SYT9: variants seen among roughly 807,000 people sequenced by gnomAD.
SYT9 encodes synaptotagmin-9.
Under a neutral mutation model 48.4 loss-of-function variants are expected in SYT9, and 22 were observed. That is an observed-to-expected ratio of 0.45 (90% CI 0.32 to 0.65). SYT9 has a LOEUF of 0.65. Ranked by LOEUF, SYT9 falls within the 30% of genes least tolerant of loss-of-function variation. The probability of loss-of-function intolerance (pLI) is 0.03; values close to 1 mark genes in which losing one functional copy is unlikely to be tolerated. For synonymous variants in SYT9, 265 were observed against 245.0 expected, an observed-to-expected ratio of 1.08 and a Z score of -0.76; for missense variants, 577 against 622.0, an observed-to-expected ratio of 0.93 and a Z score of 0.77.
chr11:7,371,640 A>G (rs1850364830), intron 3 of SYT9, among the ~76,000 whole-genome samples: 1 of 152,210 alleles, frequency 6.6e-6, no homozygotes, highest in Non-Finnish European at 1.5e-5. Flanking sequence ...AACAAGGTAT[A>G]GAGCATTTTC....
At chr11:7,265,517 A>G (rs1848162397) in intron 1 of SYT9, among the ~76,000 whole-genome samples, 1 of 152,144 alleles carries the variant, frequency 6.6e-6, no homozygotes, top group South Asian at 2.1e-4. Flanking sequence ...TAGGGTTGCA[A>G]ATGACATGCA....
At chr11:7,342,071 CA>C (rs1849723615) in intron 3 of SYT9, among the ~76,000 whole-genome samples, 1 of 152,114 alleles carries the variant, frequency 6.6e-6, no homozygotes, top group South Asian at 2.1e-4. Context: ...AATTATCTCC[CA>C]CCAGGTCCCT....
chr11:7,393,062 C>T (rs552166288), intron 3 of SYT9, among the ~76,000 whole-genome samples: 1 of 152,200 alleles, frequency 6.6e-6, no homozygotes, highest in South Asian at 2.1e-4. Flanking sequence ...AATTTGACTT[C>T]CTCTTTTCCT....
At chr11:7,400,871 A>G (rs1025879755) in intron 3 of SYT9, among the ~76,000 whole-genome samples, 1 of 152,150 alleles carries the variant, frequency 6.6e-6, no homozygotes, top group Non-Finnish European at 1.5e-5. Flanking sequence ...AATATGTAAT[A>G]TATATAATAA....
chr11:7,306,834 T>G (rs577353887), intron 2 of SYT9, among the ~76,000 whole-genome samples: 1 of 152,344 alleles, frequency 6.6e-6, no homozygotes, highest in African/African-American at 2.4e-5. Context: ...CTTTATTGCT[T>G]GTACTCCCCT....
intron 1 of SYT9, among the ~76,000 whole-genome samples, chr11:7,275,764 C>T (rs1390282442): frequency 6.6e-6 from 1 of 152,138 alleles, no homozygotes; most frequent in African/African-American, 2.4e-5. Flanking sequence ...TCATTCTGGC[C>T]TTTCCACTTG....
intron 1 of SYT9, among the ~76,000 whole-genome samples, chr11:7,272,969 G>A (rs1848323769): frequency 6.6e-6 from 1 of 152,202 alleles, no homozygotes; most frequent in Admixed American, 6.5e-5. Flanking sequence ...TTGATGTAAT[G>A]ACAGTTAAAG....
intron 1 of SYT9, among the ~76,000 whole-genome samples, chr11:7,301,213 C>T (rs1848912986): frequency 6.6e-6 from 1 of 152,138 alleles, no homozygotes; most frequent in Non-Finnish European, 1.5e-5. Context: ...GAAACTTCAA[C>T]CCCAGTATTT....
intron 5 of SYT9, among the ~76,000 whole-genome samples, chr11:7,418,542 C>G (rs186132144): frequency 1.3e-3 from 203 of 152,336 alleles, no homozygotes; most frequent in Middle Eastern, 3.4e-3. Flanking sequence ...TTTCGCCAGA[C>G]CATCAACATT....
chr11:7,373,648 A>AT (rs1850402773), intron 3 of SYT9, among the ~76,000 whole-genome samples: 1 of 152,140 alleles, frequency 6.6e-6, no homozygotes. Context: ...GCCCTGAGCC[A>AT]TGTAATAGGT....
intron 3 of SYT9, among the ~76,000 whole-genome samples, chr11:7,410,065 G>T (rs984303050): frequency 6.6e-6 from 1 of 152,106 alleles, no homozygotes; most frequent in Non-Finnish European, 1.5e-5. Context: ...TTTGTTTCAA[G>T]AAATTTTTTG....
chr11:7,346,509 G>A (rs1849803955), intron 3 of SYT9, among the ~76,000 whole-genome samples: 1 of 152,204 alleles, frequency 6.6e-6, no homozygotes. Flanking sequence ...AAGAAGTCAA[G>A]TGTAGCCCTT....
At chr11:7,314,836 C>T (rs1849210961) in intron 3 of SYT9, among the ~76,000 whole-genome samples, 2 of 152,216 alleles carry the variant, frequency 1.3e-5, no homozygotes, top group South Asian at 4.1e-4. Flanking sequence ...CTCTCTTTCT[C>T]TGCCATGGCA....
intron 1 of SYT9, among the ~76,000 whole-genome samples, chr11:7,242,401 G>A (rs1252507134): frequency 6.6e-6 from 1 of 152,154 alleles, no homozygotes; most frequent in East Asian, 1.9e-4. Flanking sequence ...GTGTGAATTT[G>A]GGCAGGATAC....
chr11:7,416,657 T>A (rs1356981129), intron 4 of SYT9, among the ~76,000 whole-genome samples: 1 of 152,212 alleles, frequency 6.6e-6, no homozygotes, highest in African/African-American at 2.4e-5. Flanking sequence ...AGAGATGATT[T>A]AAAGTATACG....
chr11:7,416,562 A>C (rs1342548713), intron 4 of SYT9, among the ~76,000 whole-genome samples: 2 of 152,272 alleles, frequency 1.3e-5, no homozygotes, highest in Non-Finnish European at 2.9e-5. Context: ...TAATACAACA[A>C]TAAAAATAAT....
intron 3 of SYT9, among the ~76,000 whole-genome samples, chr11:7,317,247 G>T (rs1358330202): frequency 3.3e-5 from 5 of 152,176 alleles, no homozygotes; most frequent in African/African-American, 1.2e-4. Context: ...CCTCAATTAT[G>T]ATTTTAATCC....
chr11:7,359,982 T>C (rs11041332), intron 3 of SYT9, among the ~76,000 whole-genome samples: 90,589 of 150,342 alleles, frequency 0.6, 28,050 homozygotes, highest in East Asian at 0.79. Context: ...TTTATGGTTT[T>C]AGGTCTAACA....
intron 3 of SYT9, among the ~76,000 whole-genome samples, chr11:7,411,387 C>T (rs527289235): frequency 4.0e-5 from 6 of 151,896 alleles, no homozygotes; most frequent in South Asian, 2.1e-4. Context: ...TTTTTTATTC[C>T]GGGTTTAGGA....
Sources: gnomAD v4.1 joint callset for allele counts (sites outside exome capture counted in the v4.1 genomes callset) on GRCh38, gnomAD v4.1.1 for gene constraint, MANE v1.5 for transcripts, NCBI Gene and HGNC (gene_info 2026-07-23, HGNC 2026-07-21) for gene names.